Variants in PAX3 observed in about 807,000 individuals in gnomAD.
PAX3 encodes the protein paired box protein Pax-3.
A neutral mutation model predicts 51.6 loss-of-function variants in PAX3; 14 were observed. The ratio of observed to expected loss-of-function variants is 0.27; its 90% confidence interval spans 0.18 to 0.42. The LOEUF is 0.42. Among genes scored for constraint, PAX3 ranks in the 10% least tolerant of loss-of-function variants. PAX3 has a pLI of 1.00. For missense variants in PAX3, 540 were observed against 642.8 expected (o/e 0.84, Z 1.73); for synonymous variants, 280 against 253.4 (o/e 1.11, Z -1.00).
At chr2:222,290,627 T>C (rs1694995702) in intron 4 of PAX3, among the ~76,000 whole-genome samples, 1 of 152,206 alleles carries the variant, frequency 6.6e-6, no homozygotes, top group African/African-American at 2.4e-5. Context: ...AGTCAGTAAT[T>C]GTAACTTTGC....
chr2:222,254,826 A>G (rs1289292089), intron 4 of PAX3, among the ~76,000 whole-genome samples: 1 of 152,112 alleles, frequency 6.6e-6, no homozygotes, highest in Non-Finnish European at 1.5e-5. Flanking sequence ...TCTATTGGCC[A>G]GGCTAGAGTG....
At chr2:222,295,005 C>T (rs913284342) in intron 3 of PAX3, among the ~76,000 whole-genome samples, 3 of 152,028 alleles carry the variant, frequency 2.0e-5, no homozygotes, top group Non-Finnish European at 4.4e-5. Flanking sequence ...AACAAACCCT[C>T]CCGTGCGCCC....
At position 222,298,594 on chromosome 2, in the gene PAX3, C is replaced by G. The variant is rs758491787; in HGVS notation, c.22G>C (p.Val8Leu). MTTLAGA[V>L]PRMMRPGPGQ... ...GGGCCCGGCCGCATCATCCTGGGCA[C>G]AGCGCCGGCCAGCGTGGTCATCCTG... Residue 8 changes from valine to leucine, a missense_variant, in exon 1 of 9, where the codon GTG becomes CTG. By Grantham distance (32) the Val-to-Leu change is conservative. Coordinates refer to ENST00000392070, the MANE Select transcript of PAX3 (RefSeq NM_181458.4). 1 of 1,606,912 alleles carries G rather than the reference C, an allele frequency of 6.2e-7. No individual in the cohort carries two copies. The highest frequency in any genetic ancestry group is 8.5e-7 in the Non-Finnish European group (1 of 1,177,098).
intron 4 of PAX3, among the ~76,000 whole-genome samples, chr2:222,251,863 A>G (rs370533925): frequency 4.6e-5 from 7 of 152,286 alleles, no homozygotes; most frequent in East Asian, 3.9e-4. Flanking sequence ...ACCCATCACA[A>G]TTTCACCATG....
intron 7 of PAX3, among the ~76,000 whole-genome samples, chr2:222,211,056 G>T (rs781283306): frequency 3.3e-5 from 5 of 151,852 alleles, no homozygotes; most frequent in Non-Finnish European, 7.4e-5. Flanking sequence ...TTGTAGAGAC[G>T]AGGTCTCACT....
rs1695443934 is a variant in PAX3 at position 222,298,689 on chromosome 2, C to A, written c.-74G>T. 6.4e-6 allele frequency: 9 copies of A among 1,397,338 alleles called. No individual in the cohort carries two copies. The highest frequency in any genetic ancestry group is 8.9e-6 in the Non-Finnish European group (9 of 1,007,872). The allele number at this position is 1,397,338 out of a possible 1,614,324, so 86.6% of individuals were successfully genotyped here. A position where few individuals can be genotyped will look rare whatever the true frequency, so the allele number is the denominator to read the frequency against. Reference sequence around the variant, plus strand: ...GAAAGGCGAGTGCGGCGCGGATGACCCTCGGGAACTATCCGGAGCGTGGAG... The same window carrying A: ...GAAAGGCGAGTGCGGCGCGGATGACACTCGGGAACTATCCGGAGCGTGGAG... On this transcript the variant is annotated 5_prime_UTR_variant, in exon 1 of 9. Transcript: ENST00000392070.
At chr2:222,240,869 C>T (rs779049953) in intron 4 of PAX3, among the ~76,000 whole-genome samples, 7 of 152,136 alleles carry the variant, frequency 4.6e-5, no homozygotes, top group Admixed American at 2.0e-4. Flanking sequence ...TTGTTTTTAA[C>T]GGCTTTTTAA....
intron 5 of PAX3, among the ~76,000 whole-genome samples, chr2:222,226,226 G>C (rs1050101737): frequency 1.3e-5 from 2 of 152,220 alleles, no homozygotes; most frequent in African/African-American, 4.8e-5. Flanking sequence ...GATGTCGAAT[G>C]CTGACATGCC....
intron 4 of PAX3, among the ~76,000 whole-genome samples, chr2:222,250,873 C>G (rs1413296488): frequency 6.6e-6 from 1 of 152,168 alleles, no homozygotes; most frequent in African/African-American, 2.4e-5. Context: ...CTTATCTCAG[C>G]AGTTCCAACA....
At chr2:222,234,159 G>A (rs1692712436) in intron 4 of PAX3, among the ~76,000 whole-genome samples, 1 of 151,930 alleles carries the variant, frequency 6.6e-6, no homozygotes, top group Admixed American at 6.6e-5. Flanking sequence ...AAACTAAGAG[G>A]CAATAGAGTA....
rs558373923 is a variant in PAX3, at chr2:222,243,910, T to C, written c.587-11627A>G. Among the ~76,000 whole-genome samples, 6 of 152,314 alleles carry C rather than the reference T, an allele frequency of 3.9e-5. No individual in the cohort carries two copies. The East Asian group carries it at 1.2e-3, about 29-fold the overall frequency. On this transcript the variant is annotated intron_variant, in intron 4 of 8. Coordinates refer to ENST00000392070, the MANE Select transcript of PAX3 (RefSeq NM_181458.4). ...GCTTAATCCTTGCTGGCAAAGGAAT[T>C]AGCAGCAACATCAAGGTCATCATCA... is the stretch of plus-strand genomic sequence containing the variant.
intron 4 of PAX3, among the ~76,000 whole-genome samples, chr2:222,260,578 GTTTTT>G (rs1345531558): frequency 6.5e-5 from 4 of 61,714 alleles, no homozygotes; most frequent in East Asian, 4.7e-4. Flanking sequence ...TTTTTTTTTT[GTTTTT>G]TTTTTTTGTT....
chr2:222,257,645 C>T (rs1375040605), intron 4 of PAX3, among the ~76,000 whole-genome samples: 1 of 152,142 alleles, frequency 6.6e-6, no homozygotes, highest in Non-Finnish European at 1.5e-5. Flanking sequence ...ATGCATGTAC[C>T]AGTCACTGTA....
intron 4 of PAX3, among the ~76,000 whole-genome samples, chr2:222,273,136 T>C (rs1694307648): frequency 6.6e-6 from 1 of 152,224 alleles, no homozygotes; most frequent in African/African-American, 2.4e-5. Flanking sequence ...TGCTTAAAGT[T>C]ACACCTTTCT....
intron 4 of PAX3, chr2:222,293,558 G>A (rs993201055): frequency 6.8e-7 from 1 of 1,470,376 alleles, no homozygotes; most frequent in African/African-American, 1.4e-5. Flanking sequence ...CCAGAGCTTG[G>A]GTTCCTTTCA....
chr2:222,262,342 A>G (rs1252894271), intron 4 of PAX3, among the ~76,000 whole-genome samples: 1 of 152,178 alleles, frequency 6.6e-6, no homozygotes, highest in Admixed American at 6.5e-5. Context: ...CAAAACAAAT[A>G]AACAAAAAAA....
At chr2:222,235,038 A>T (rs558849172) in intron 4 of PAX3, among the ~76,000 whole-genome samples, 27 of 152,330 alleles carry the variant, frequency 1.8e-4, no homozygotes, top group African/African-American at 6.3e-4. Context: ...GGATAATAGT[A>T]TGTGGAAATT....
At chr2:222,209,973 A>G (rs1018073497) in intron 7 of PAX3, among the ~76,000 whole-genome samples, 5 of 152,140 alleles carry the variant, frequency 3.3e-5, no homozygotes, top group Non-Finnish European at 7.4e-5. Flanking sequence ...ACAGTCTCCC[A>G]AAAGCTAGAA....
At chr2:222,203,055 A>G (rs1344492504) in intron 7 of PAX3, among the ~76,000 whole-genome samples, 9 of 121,752 alleles carry the variant, frequency 7.4e-5, no homozygotes, top group African/African-American at 2.6e-4. Flanking sequence ...ATATATATAT[A>G]TGAAGTGTTA....
Sources: gnomAD v4.1 joint callset for allele counts (sites outside exome capture counted in the v4.1 genomes callset) on GRCh38, gnomAD v4.1.1 for gene constraint, MANE v1.5 for transcripts, NCBI Gene and HGNC (gene_info 2026-07-23, HGNC 2026-07-21) for gene names.